PITPNC1: variants seen among roughly 807,000 people sequenced by gnomAD.
PITPNC1 encodes cytoplasmic phosphatidylinositol transfer protein 1.
In PITPNC1, 18 loss-of-function variants were observed where a neutral mutation model predicts 44.7. That is an observed-to-expected ratio of 0.40 (90% CI 0.28 to 0.60). PITPNC1 has a LOEUF of 0.60. Among genes scored for constraint, PITPNC1 ranks in the 20% least tolerant of loss-of-function variants. PITPNC1 has a pLI of 0.39. For missense variants in PITPNC1, 290 were observed against 418.4 expected, an observed-to-expected ratio of 0.69 and a Z score of 2.68; for synonymous variants, 141 against 149.6, an observed-to-expected ratio of 0.94 and a Z score of 0.42.
At chr17:67,633,355 C>A (rs1253822064) in intron 6 of PITPNC1, among the ~76,000 whole-genome samples, 12 of 152,188 alleles carry the variant, frequency 7.9e-5, no homozygotes, top group Non-Finnish European at 1.5e-5. Context: ...CGCAAATAAA[C>A]CAGGCTCCCG....
intron 6 of PITPNC1, among the ~76,000 whole-genome samples, chr17:67,652,178 T>C (rs952408126): frequency 4.6e-5 from 7 of 151,966 alleles, no homozygotes; most frequent in African/African-American, 1.5e-4. Context: ...AAATTGAGAG[T>C]GTAATTAATC....
At position 67,597,565 on chromosome 17, in the gene PITPNC1, A is replaced by G. The variant is rs891480452; in HGVS notation, c.366+19308A>G. Among the ~76,000 whole-genome samples, 2 of 152,198 alleles carry G rather than the reference A, an allele frequency of 1.3e-5. No homozygotes were observed. The highest frequency in any genetic ancestry group is 1.5e-5 in the Non-Finnish European group (1 of 68,032). ...TGATTGAGACTCCATCTCAACAAAA[A>G]AAGGAAAGAAAAAAACAGTTATCTT... On this transcript the variant is annotated intron_variant, in intron 5 of 8. Transcript: ENST00000581322. The surrounding 1 kb of genome is among the most constrained non-coding windows in gnomAD (Gnocchi z 4.0).
chr17:67,408,680 TCC>T (rs1193590637), intron 1 of PITPNC1: 40 of 17,560 alleles, frequency 2.3e-3, no homozygotes, highest in African/African-American at 4.6e-3. Flanking sequence ...TTCTCTTTCT[TCC>T]TTCCTTCCTT....
intron 5 of PITPNC1, among the ~76,000 whole-genome samples, chr17:67,623,189 C>A (rs2041856024): frequency 6.8e-6 from 1 of 147,730 alleles, no homozygotes; most frequent in Non-Finnish European, 1.5e-5. Context: ...TTAATCGTAT[C>A]TGAAGCATAA....
chr17:67,484,047 TA>T (rs1263579843), intron 1 of PITPNC1, among the ~76,000 whole-genome samples: 1 of 151,798 alleles, frequency 6.6e-6, no homozygotes, highest in East Asian at 1.9e-4. Context: ...GCCTCCCAAG[TA>T]GCTGGCATTA....
chr17:67,394,756 T>G (rs1408949296), intron 1 of PITPNC1, among the ~76,000 whole-genome samples: 1 of 151,962 alleles, frequency 6.6e-6, no homozygotes, highest in Admixed American at 6.6e-5. Flanking sequence ...TAGCCAGGCG[T>G]GGTGGCGGGC....
chr17:67,484,748 G>A (rs1374667472), intron 1 of PITPNC1, among the ~76,000 whole-genome samples: 1 of 152,086 alleles, frequency 6.6e-6, no homozygotes, highest in African/African-American at 2.4e-5. Flanking sequence ...GACCAGCCTG[G>A]TCAACATGGT....
intron 1 of PITPNC1, among the ~76,000 whole-genome samples, chr17:67,384,428 CTTTT>C (rs60147017): frequency 7.0e-6 from 1 of 142,760 alleles, no homozygotes; most frequent in Non-Finnish European, 1.5e-5. Flanking sequence ...TCCTTGTTCT[CTTTT>C]TTTTTTTTTT....
intron 1 of PITPNC1, among the ~76,000 whole-genome samples, chr17:67,502,892 C>G (rs898152323): frequency 6.6e-6 from 1 of 152,006 alleles, no homozygotes; most frequent in African/African-American, 2.4e-5. Context: ...CTCCTGGGTT[C>G]AAGCGATTCT....
chr17:67,588,255 C>T lies in PITPNC1; in HGVS notation c.366+9998C>T, dbSNP rs180816960. On this transcript the variant is annotated intron_variant, in intron 5 of 8. Coordinates refer to ENST00000581322, the MANE Select transcript of PITPNC1 (RefSeq NM_012417.4). ...CTGACCTCAAGTGATCTGCCCACCT[C>T]GGCCTCCCAAAGTGCTGGGATTACA... 2.3e-3 allele frequency among the ~76,000 whole-genome samples: 357 copies of T among 152,268 alleles called. 1 individual carries two copies. The highest frequency in any genetic ancestry group is 8.0e-3 in the African/African-American group (334 of 41,552).
chr17:67,644,385 CTCT>C (rs1271141446), intron 6 of PITPNC1, among the ~76,000 whole-genome samples: 1 of 150,952 alleles, frequency 6.6e-6, no homozygotes, highest in Non-Finnish European at 1.5e-5. Flanking sequence ...ATACAACAAG[CTCT>C]TCTTCAGTTC....
chr17:67,682,513 A>G (rs1324905169), intron 8 of PITPNC1, among the ~76,000 whole-genome samples: 1 of 152,122 alleles, frequency 6.6e-6, no homozygotes, highest in Non-Finnish European at 1.5e-5. Context: ...CCTGAAGGAG[A>G]GCAAGAAAGA....
chr17:67,523,017 C>T (rs546807220), intron 1 of PITPNC1, among the ~76,000 whole-genome samples: 1 of 152,182 alleles, frequency 6.6e-6, no homozygotes, highest in Middle Eastern at 3.4e-3. Context: ...TCAGTACATT[C>T]ACATTGTTGC....
intron 1 of PITPNC1, among the ~76,000 whole-genome samples, chr17:67,463,236 T>C (rs1428552504): frequency 6.6e-6 from 1 of 152,222 alleles, no homozygotes; most frequent in Non-Finnish European, 1.5e-5. Flanking sequence ...TAAACAGGAA[T>C]GAATATGGAT....
In PITPNC1 at chr17:67,694,559, T is replaced by C. The variant is rs1202366486; in HGVS notation, c.*1671T>C. 1 of 152,178 alleles carries C rather than the reference T, an allele frequency of 6.6e-6. No homozygotes were observed. The highest frequency in any genetic ancestry group is 1.9e-4 in the East Asian group (1 of 5,200). 9.4% of individuals were successfully genotyped at this position (152,178 alleles called of 1,614,324 possible). A position where few individuals can be genotyped will look rare whatever the true frequency, so the allele number is the denominator to read the frequency against. ...GCCCCATGAGCCCAGCACCAAAGTT[T>C]TCTAAGTCATAGGTCAGACTGTCAA... On this transcript the variant is annotated 3_prime_UTR_variant, in exon 9 of 9. Coordinates refer to ENST00000581322, the MANE Select transcript of PITPNC1 (RefSeq NM_012417.4).
intron 2 of PITPNC1, among the ~76,000 whole-genome samples, chr17:67,543,214 C>A (rs546436312): frequency 2.2e-4 from 33 of 152,282 alleles, no homozygotes; most frequent in African/African-American, 7.7e-4. Flanking sequence ...CGTCATTCTG[C>A]CCTCATCACC....
chr17:67,591,044 A>G (rs2044492772), intron 5 of PITPNC1, among the ~76,000 whole-genome samples: 1 of 152,210 alleles, frequency 6.6e-6, no homozygotes, highest in African/African-American at 2.4e-5. Flanking sequence ...AACGTTATCA[A>G]TCCTGGAACA....
chr17:67,534,690 T>G (rs1267274644), intron 2 of PITPNC1, among the ~76,000 whole-genome samples: 1 of 152,000 alleles, frequency 6.6e-6, no homozygotes, highest in Non-Finnish European at 1.5e-5. Context: ...AAAAGAAATA[T>G]ATTTTATTGA....
intron 1 of PITPNC1, among the ~76,000 whole-genome samples, chr17:67,480,870 T>C (rs1483572778): frequency 1.1e-4 from 16 of 152,184 alleles, no homozygotes; most frequent in Admixed American, 1.0e-3. Flanking sequence ...GGTAGAAGGC[T>C]AAGCTGCTGT....
Sources: gnomAD v4.1 joint callset for allele counts (sites outside exome capture counted in the v4.1 genomes callset) on GRCh38, gnomAD v4.1.1 for gene constraint, Gnocchi (gnomAD v3.1) non-coding constraint, MANE v1.5 for transcripts, NCBI Gene and HGNC (gene_info 2026-07-23, HGNC 2026-07-21) for gene names.